The following KHDRBS2 variants were observed in gnomAD, a reference collection of about 807,000 sequenced individuals.
KHDRBS2 encodes KH domain-containing, RNA-binding, signal transduction-associated protein 2.
Under a neutral mutation model 44.3 loss-of-function variants are expected in KHDRBS2, and 26 were observed. That is an observed-to-expected ratio of 0.59 (90% CI 0.43 to 0.81). The LOEUF is 0.81. Ranked by LOEUF, KHDRBS2 falls within the 40% of genes least tolerant of loss-of-function variation. The probability of loss-of-function intolerance (pLI) is 0.00; values close to 1 mark genes in which losing one functional copy is unlikely to be tolerated. For synonymous variants in KHDRBS2, 194 were observed against 151.1 expected, an observed-to-expected ratio of 1.28 and a Z score of -2.08; for missense variants, 476 against 433.1, an observed-to-expected ratio of 1.10 and a Z score of -0.88.
At chr6:61,954,959 T>C (rs575230224) in intron 4 of KHDRBS2, among the ~76,000 whole-genome samples, 61 of 139,444 alleles carry the variant, frequency 4.4e-4, no homozygotes, top group Non-Finnish European at 6.8e-4. Context: ...CATATATATG[T>C]ATATATACGC....
At chr6:61,768,402 T>G (rs9345137) in intron 6 of KHDRBS2, among the ~76,000 whole-genome samples, 116,900 of 151,934 alleles carry the variant, frequency 0.77, 45,667 homozygotes, top group African/African-American at 0.9. Flanking sequence ...TATTTCTCCA[T>G]GTTTAGAAAT....
intron 2 of KHDRBS2, among the ~76,000 whole-genome samples, chr6:62,152,969 C>T (rs1815547419): frequency 6.6e-6 from 1 of 152,208 alleles, no homozygotes; most frequent in African/African-American, 2.4e-5. Flanking sequence ...CCGGATCCAC[C>T]TGATAGCATC....
intron 1 of KHDRBS2, among the ~76,000 whole-genome samples, chr6:62,256,988 AT>A (rs1837493648): frequency 6.6e-6 from 1 of 152,126 alleles, no homozygotes; most frequent in South Asian, 2.1e-4. Context: ...AGCACATCCT[AT>A]GCCATGTGCT....
intron 6 of KHDRBS2, among the ~76,000 whole-genome samples, chr6:61,747,323 C>A (rs185801244): frequency 2.0e-5 from 3 of 152,090 alleles, no homozygotes; most frequent in African/African-American, 7.2e-5. Context: ...ATGATTCCTG[C>A]CAAACTTCTT....
the KHDRBS2 span, among the ~76,000 whole-genome samples, chr6:61,613,583 C>A: frequency 6.8e-4 from 103 of 152,246 alleles, no homozygotes; most frequent in African/African-American, 2.5e-3. Context: ...ACACCCACTC[C>A]CTACTATTTT....
At chr6:61,711,099 A>T (rs957301695) in intron 7 of KHDRBS2, among the ~76,000 whole-genome samples, 1 of 151,350 alleles carries the variant, frequency 6.6e-6, no homozygotes. Context: ...TATTCAATAA[A>T]TATTTGTTGA....
At chr6:62,248,284 G>A (rs571412415) in intron 1 of KHDRBS2, among the ~76,000 whole-genome samples, 1 of 150,426 alleles carries the variant, frequency 6.6e-6, no homozygotes, top group East Asian at 2.0e-4. Flanking sequence ...ACAGCTTGTG[G>A]TATTTTAAAA....
chr6:62,206,929 A>G (rs1585203735), intron 1 of KHDRBS2, among the ~76,000 whole-genome samples: 1 of 152,100 alleles, frequency 6.6e-6, no homozygotes. Context: ...TTCATTCCCA[A>G]GAATAAAAAA....
At chr6:62,197,885 G>T (rs1461863258) in intron 1 of KHDRBS2, among the ~76,000 whole-genome samples, 12 of 152,026 alleles carry the variant, frequency 7.9e-5, no homozygotes, top group Non-Finnish European at 1.3e-4. Flanking sequence ...ATAACAAACT[G>T]TCTCTCAGAC....
chr6:62,177,212 T>G lies in KHDRBS2; in HGVS notation c.192A>C (p.Val64=), dbSNP rs983519830. ...SNKNIKLSER[V]LIPVKQYPKF... Reference sequence around the variant, plus strand: ...TTGGATACTGCTTGACAGGAATCAGTACTCTTTCTGAGAGCTTTATGTTTT... The same window carrying G: ...TTGGATACTGCTTGACAGGAATCAGGACTCTTTCTGAGAGCTTTATGTTTT... Residue 64 remains valine, a synonymous_variant, in exon 2 of 9, where the codon GTA becomes GTC. Transcript: ENST00000281156. 1.9e-6 allele frequency: 3 copies of G among 1,587,974 alleles called. No homozygotes were observed. The highest frequency in any genetic ancestry group is 1.7e-6 in the Non-Finnish European group (2 of 1,158,498).
intron 6 of KHDRBS2, among the ~76,000 whole-genome samples, chr6:61,877,805 T>C (rs1451373062): frequency 5.3e-5 from 8 of 151,976 alleles, no homozygotes; most frequent in Non-Finnish European, 1.0e-4. Context: ...TTATCTTACA[T>C]TATTTTATTT....
chr6:62,252,581 C>A (rs1346969161), intron 1 of KHDRBS2, among the ~76,000 whole-genome samples: 2 of 151,928 alleles, frequency 1.3e-5, no homozygotes, highest in Non-Finnish European at 2.9e-5. Flanking sequence ...ATAATGCCTA[C>A]TAGCCTCTGG....
At chr6:62,103,458 G>C (rs1221140999) in intron 2 of KHDRBS2, among the ~76,000 whole-genome samples, 1 of 152,192 alleles carries the variant, frequency 6.6e-6, no homozygotes, top group African/African-American at 2.4e-5. Flanking sequence ...TCACAATGTT[G>C]TTCTGCATGG....
chr6:61,780,037 T>A (rs1582803209), intron 6 of KHDRBS2, among the ~76,000 whole-genome samples: 1 of 152,204 alleles, frequency 6.6e-6, no homozygotes, highest in African/African-American at 2.4e-5. Flanking sequence ...ATGTGAGAAG[T>A]ATTTTGAAGT....
intron 2 of KHDRBS2, among the ~76,000 whole-genome samples, chr6:62,057,686 C>T (rs1468037218): frequency 6.6e-6 from 1 of 151,848 alleles, no homozygotes; most frequent in African/African-American, 2.4e-5. Flanking sequence ...ATTCTTAAGG[C>T]TTAGCAGAGT....
At chr6:62,052,934 T>C (rs1179643618) in intron 2 of KHDRBS2, among the ~76,000 whole-genome samples, 2 of 151,872 alleles carry the variant, frequency 1.3e-5, no homozygotes, top group Non-Finnish European at 2.9e-5. Context: ...ATGTAGACTA[T>C]AGGTAATAAA....
At chr6:61,600,830 A>G in the KHDRBS2 span, among the ~76,000 whole-genome samples, 2 of 151,454 alleles carry the variant, frequency 1.3e-5, no homozygotes, top group East Asian at 1.9e-4. Context: ...CTATCCCACA[A>G]CCTCTTTCTC....
chr6:62,188,273 A>G (rs1823857070), intron 1 of KHDRBS2, among the ~76,000 whole-genome samples: 1 of 152,242 alleles, frequency 6.6e-6, no homozygotes, highest in Non-Finnish European at 1.5e-5. Context: ...CATCTTGTAT[A>G]ATAAATATTA....
chr6:61,856,991 G>A (rs181531768), intron 6 of KHDRBS2, among the ~76,000 whole-genome samples: 4 of 152,042 alleles, frequency 2.6e-5, no homozygotes, highest in Admixed American at 6.6e-5. Flanking sequence ...CACATATTGT[G>A]CTGAAGTGCA....
Sources: gnomAD v4.1 joint callset for allele counts (sites outside exome capture counted in the v4.1 genomes callset) on GRCh38, gnomAD v4.1.1 for gene constraint, MANE v1.5 for transcripts, NCBI Gene and HGNC (gene_info 2026-07-23, HGNC 2026-07-21) for gene names.